Variants in LIPC observed in about 807,000 individuals in gnomAD.
LIPC encodes hepatic triacylglycerol lipase.
LIPC carries 44 observed loss-of-function variants against 50.7 expected under a neutral mutation model. That is an observed-to-expected ratio of 0.87 (90% CI 0.68 to 1.11). LIPC has a LOEUF of 1.11. Among genes scored for constraint, LIPC ranks in the 50% most tolerant of loss-of-function variants. The pLI is 0.00. For missense variants in LIPC, 697 were observed against 648.2 expected, an observed-to-expected ratio of 1.08 and a Z score of -0.82; for synonymous variants, 271 against 256.4, an observed-to-expected ratio of 1.06 and a Z score of -0.54.
At chr15:58,568,645 T>TA in intron 8 of LIPC, 71 bp from the exon 9 acceptor site, 2 of 888,136 alleles carry the variant, frequency 2.3e-6, no homozygotes, top group Non-Finnish European at 1.9e-6. Context: ...TGAAATTTGA[T>TA]AAAGAATGAA....
intron 1 of LIPC, among the ~76,000 whole-genome samples, chr15:58,458,464 G>A (rs966744010): frequency 1.3e-5 from 2 of 152,158 alleles, no homozygotes; most frequent in African/African-American, 4.8e-5. Context: ...TAATAGCAGG[G>A]ACATTGTCCT....
At chr15:58,471,328 T>TGGGC (rs1555399297) in intron 1 of LIPC, among the ~76,000 whole-genome samples, 4 of 114,238 alleles carry the variant, frequency 3.5e-5, no homozygotes, top group South Asian at 6.6e-4. Context: ...TTAGTAGAGA[T>TGGGC]GGGGGGGGGT....
rs150677310 is a variant in LIPC, at chr15:58,562,604, G to A, written c.1170-901G>A. ...CTCCAGAGATGATCCTGAGCTTCCC[G>A]AAAATTGCCCCCAGCTTTGGATCTC... is the stretch of plus-strand genomic sequence containing the variant. On this transcript the variant is annotated intron_variant, in intron 7 of 8. Coordinates refer to ENST00000299022, the MANE Select transcript of LIPC (RefSeq NM_000236.3). Among the ~76,000 whole-genome samples the A allele has an allele frequency of 3.2e-4, 48 of 152,170 alleles. No individual in the cohort carries two copies. In the East Asian group the frequency reaches 7.9e-3, roughly 25 times the overall value.
At chr15:58,472,934 G>A (rs1472616215) in intron 1 of LIPC, among the ~76,000 whole-genome samples, 2 of 152,204 alleles carry the variant, frequency 1.3e-5, no homozygotes, top group Non-Finnish European at 2.9e-5. Context: ...ACTAAGAGGG[G>A]AAGGGAATCA....
At chr15:58,476,050 T>C (rs1176758847) in intron 1 of LIPC, among the ~76,000 whole-genome samples, 1 of 152,260 alleles carries the variant, frequency 6.6e-6, no homozygotes, top group African/African-American at 2.4e-5. Flanking sequence ...GCACAGTCCA[T>C]ACATTGTCTC....
intron 1 of LIPC, among the ~76,000 whole-genome samples, chr15:58,470,862 G>C (rs1894767997): frequency 6.6e-6 from 1 of 152,082 alleles, no homozygotes; most frequent in South Asian, 2.1e-4. Flanking sequence ...CAAAACTTCA[G>C]ATTTTGCCAA....
intron 8 of LIPC, chr15:58,565,489 G>C: frequency 1.4e-6 from 2 of 1,388,654 alleles, no homozygotes; most frequent in Non-Finnish European, 1.9e-6. Context: ...CACGGGGTGA[G>C]CATTGAAGCA....
At position 58,494,944 on chromosome 15, in the gene LIPC, G is replaced by T. The variant is rs183395356; in HGVS notation, c.89-43389G>T. Reference sequence around the variant, plus strand: ...CCAGTCCCTCACTGGGCTATCACAGGTTCCAAAACACCCAGCCCTCATGTC... The same window carrying T: ...CCAGTCCCTCACTGGGCTATCACAGTTTCCAAAACACCCAGCCCTCATGTC... On this transcript the variant is annotated intron_variant, in intron 1 of 8. Transcript: ENST00000299022. The T allele has an allele frequency of 2.5e-4, 114 of 449,066 alleles. No homozygotes were observed. The East Asian group carries it at 7.1e-3, about 28-fold the overall frequency. The allele number at this position is 449,066 out of a possible 1,614,324, so 27.8% of individuals were successfully genotyped here.
intron 1 of LIPC, among the ~76,000 whole-genome samples, chr15:58,443,611 C>A (rs1038228886): frequency 7.9e-5 from 12 of 152,234 alleles, no homozygotes; most frequent in African/African-American, 2.4e-4. Context: ...GGACCCTCCA[C>A]GGCTCCTCGG....
At chr15:58,516,471 G>A (rs1260037086) in intron 1 of LIPC, among the ~76,000 whole-genome samples, 3 of 151,866 alleles carry the variant, frequency 2.0e-5, no homozygotes, top group South Asian at 2.1e-4. Flanking sequence ...TATATATGAG[G>A]CCTCTTAAAA....
intron 1 of LIPC, among the ~76,000 whole-genome samples, chr15:58,486,610 G>A (rs1376836659): frequency 6.6e-6 from 1 of 152,214 alleles, no homozygotes; most frequent in East Asian, 1.9e-4. Flanking sequence ...CCCAGACTCA[G>A]CATATTTAGG....
intron 8 of LIPC, among the ~76,000 whole-genome samples, chr15:58,567,348 T>TATATAC (rs1566955258): frequency 1.3e-5 from 1 of 79,884 alleles, no homozygotes; most frequent in Non-Finnish European, 2.1e-5. Context: ...TGTATATGTA[T>TATATAC]ATATATATAT....
intron 8 of LIPC, chr15:58,565,397 T>C (rs867986131): frequency 1.6e-5 from 23 of 1,480,248 alleles, no homozygotes; most frequent in Non-Finnish European, 2.1e-5. Context: ...AGCACAACAC[T>C]ACCTTCTCCA....
At chr15:58,460,086 C>G (rs186464066) in intron 1 of LIPC, among the ~76,000 whole-genome samples, 1 of 152,180 alleles carries the variant, frequency 6.6e-6, no homozygotes, top group Non-Finnish European at 1.5e-5. Context: ...GTCTGAGCAC[C>G]CTGTAGGGCT....
At chr15:58,530,697 C>A (rs1329214930) in intron 1 of LIPC, among the ~76,000 whole-genome samples, 1 of 152,246 alleles carries the variant, frequency 6.6e-6, no homozygotes, top group Admixed American at 6.5e-5. Flanking sequence ...CAGGAAATCA[C>A]TGATCTGCTC....
chr15:58,505,401 C>T (rs1298869277), intron 1 of LIPC, among the ~76,000 whole-genome samples: 3 of 152,152 alleles, frequency 2.0e-5, no homozygotes, highest in African/African-American at 7.2e-5. Context: ...TTGTGAGGAT[C>T]AAATGATTTA....
rs139202574 is a variant in LIPC, at chr15:58,545,540, C to A, written c.575-202C>A. Reference sequence around the variant, plus strand: ...CTTTCCCCGCTAGCTAATGCCCAGCCTGTGTGTCATTGTTAGCACCATGAA... The same window carrying A: ...CTTTCCCCGCTAGCTAATGCCCAGCATGTGTGTCATTGTTAGCACCATGAA... On this transcript the variant is annotated intron_variant, in intron 4 of 8. Coordinates refer to ENST00000299022, the MANE Select transcript of LIPC (RefSeq NM_000236.3). 2.6e-5 allele frequency among the ~76,000 whole-genome samples: 4 copies of A among 152,372 alleles called. No homozygotes were observed. The East Asian group carries it at 7.7e-4, about 29-fold the overall frequency.
intron 1 of LIPC, among the ~76,000 whole-genome samples, chr15:58,477,450 A>T (rs535601651): frequency 2.0e-5 from 3 of 152,336 alleles, no homozygotes; most frequent in African/African-American, 4.8e-5. Context: ...AGAGAGGGGA[A>T]GTGTGGGTGG....
chr15:58,505,200 G>C (rs1325431349), intron 1 of LIPC, among the ~76,000 whole-genome samples: 4 of 152,204 alleles, frequency 2.6e-5, no homozygotes, highest in Non-Finnish European at 4.4e-5. Flanking sequence ...CGGCCATCAG[G>C]GTGCTGGGCT....
Sources: gnomAD v4.1 joint callset for allele counts (sites outside exome capture counted in the v4.1 genomes callset) on GRCh38, gnomAD v4.1.1 for gene constraint, MANE v1.5 for transcripts, NCBI Gene and HGNC (gene_info 2026-07-23, HGNC 2026-07-21) for gene names.